Variants in LIMCH1 observed in about 807,000 individuals in gnomAD.
LIMCH1 encodes LIM and calponin homology domains 1, also known as LIM and calponin homology domains-containing protein 1.
Under a neutral mutation model 176.5 loss-of-function variants are expected in LIMCH1, and 113 were observed. The observed-to-expected ratio is 0.64, with a 90% confidence interval of 0.55 to 0.75. The LOEUF (loss-of-function observed/expected upper bound fraction) is 0.75. Ranked by LOEUF, LIMCH1 falls within the 30% of genes least tolerant of loss-of-function variation. The probability of loss-of-function intolerance (pLI) is 0.00; values close to 1 mark genes in which losing one functional copy is unlikely to be tolerated. For synonymous variants in LIMCH1, 619 were observed against 645.9 expected (o/e 0.96, Z 0.63); for missense variants, 1,674 against 1,814.9 (o/e 0.92, Z 1.41).
chr4:41,680,927 T>C, intron 24 of LIMCH1, 28 bp from the exon 25 acceptor site: 2 of 1,250,836 alleles, frequency 1.6e-6, no homozygotes, highest in Non-Finnish European at 2.3e-6. Context: ...TTTTCCCCCC[T>C]TTCATCGATT....
chr4:41,603,781 T>G (rs1480846234), intron 2 of LIMCH1, 94 bp from the exon 3 acceptor site: 2 of 823,168 alleles, frequency 2.4e-6, no homozygotes, highest in Non-Finnish European at 4.1e-6. Context: ...ATTATATATG[T>G]TAGCTTCAAG....
intron 29 of LIMCH1, among the ~76,000 whole-genome samples, chr4:41,688,467 T>C (rs988632634): frequency 6.6e-6 from 1 of 152,244 alleles, no homozygotes; most frequent in East Asian, 1.9e-4. Context: ...AAATTTCATT[T>C]AACTACTGGA....
chr4:41,439,492 G>A (rs1259814085), intron 1 of LIMCH1, among the ~76,000 whole-genome samples: 2 of 152,148 alleles, frequency 1.3e-5, no homozygotes, highest in Non-Finnish European at 2.9e-5. Flanking sequence ...GCTGAAGTTG[G>A]AGGATTGTGT....
At chr4:41,639,071 T>C in intron 14 of LIMCH1, 104 bp downstream of exon 14, 1 of 842,594 alleles carries the variant, frequency 1.2e-6, no homozygotes, top group Non-Finnish European at 1.9e-6. Flanking sequence ...GTGAACTGAA[T>C]AGTTAGCTGA....
intron 10 of LIMCH1, 122 bp downstream of exon 10, chr4:41,631,599 G>A (rs1390412027): frequency 2.5e-6 from 2 of 794,968 alleles, no homozygotes; most frequent in Admixed American, 3.4e-5. Context: ...ACTATGTATA[G>A]CAGAGAAGTA....
chr4:41,643,328 TTC>T (rs2093916317), intron 14 of LIMCH1, among the ~76,000 whole-genome samples: 1 of 152,206 alleles, frequency 6.6e-6, no homozygotes. Context: ...AGTTTTTTTT[TTC>T]TTTGTGTTAG....
chr4:41,520,484 T>C (rs533292519), intron 2 of LIMCH1, among the ~76,000 whole-genome samples: 2 of 152,278 alleles, frequency 1.3e-5, no homozygotes, highest in South Asian at 4.2e-4. Context: ...TTGTGTGCTA[T>C]CTGAAATTTT....
chr4:41,473,126 A>C, intron 1 of LIMCH1: 1 of 985,402 alleles, frequency 1.0e-6, no homozygotes, highest in Non-Finnish European at 1.2e-6. Context: ...TAAAATGACA[A>C]CTTGGTAAAT....
intron 1 of LIMCH1, among the ~76,000 whole-genome samples, chr4:41,576,995 A>C (rs2084589408): frequency 6.6e-6 from 1 of 152,172 alleles, no homozygotes. Context: ...CAGATAAAAA[A>C]ATACAGCATT....
chr4:41,602,124 C>CAAAAAAA (rs540240960), intron 2 of LIMCH1, among the ~76,000 whole-genome samples: 1 of 73,302 alleles, frequency 1.4e-5, no homozygotes, highest in Non-Finnish European at 3.8e-5. Context: ...TTGAGTAGAC[C>CAAAAAAA]AAAAAAAAAA....
chr4:41,531,522 A>ACACACACC (rs1230668145), intron 3 of LIMCH1, among the ~76,000 whole-genome samples: 3 of 145,532 alleles, frequency 2.1e-5, no homozygotes, highest in African/African-American at 7.9e-5. Context: ...ACACATACAC[A>ACACACACC]CCTTATACTT....
At chr4:41,489,993 C>T (rs2070457518) in intron 1 of LIMCH1, among the ~76,000 whole-genome samples, 1 of 152,028 alleles carries the variant, frequency 6.6e-6, no homozygotes, top group Admixed American at 6.5e-5. Flanking sequence ...TCATAAGGGA[C>T]AGAAAATCTA....
Position 41,604,199 on chromosome 4 carries a change from A to G in LIMCH1, c.-103+294A>G, listed in dbSNP as rs1009395388. ...TAAACACAAAATGATCAGGCTCAAT[A>G]CTAACATTAGCCCCTTTCCATTTGT... On this transcript the variant is annotated intron_variant, in intron 3 of 31. Coordinates refer to ENST00000503057, the MANE Select transcript of LIMCH1 (RefSeq NM_001330672.2). 4.1e-6 allele frequency: 4 copies of G among 984,918 alleles called. No homozygotes were observed. In the African/African-American group the frequency reaches 7.0e-5, roughly 17 times the overall value. The allele number at this position is 984,918 out of a possible 1,614,324, so 61.0% of individuals were successfully genotyped here.
At chr4:41,454,940 ATGTGTGTGTGTGTGTGTGTG>A (rs761501125) in intron 1 of LIMCH1, among the ~76,000 whole-genome samples, 2,678 of 131,354 alleles carry the variant, frequency 0.02, 86 homozygotes, top group African/African-American at 0.068. Flanking sequence ...GTATGCGTAC[ATGTGTGTGTGTGTGTGTGTG>A]TGTGTGTGTG....
chr4:41,526,474 C>G (rs900150680), intron 3 of LIMCH1, among the ~76,000 whole-genome samples: 6 of 152,084 alleles, frequency 3.9e-5, no homozygotes, highest in Non-Finnish European at 8.8e-5. Flanking sequence ...ATCAACATTT[C>G]CACAAAAACC....
intron 5 of LIMCH1, among the ~76,000 whole-genome samples, chr4:41,614,520 A>G (rs536637301): frequency 2.6e-5 from 4 of 152,310 alleles, no homozygotes; most frequent in East Asian, 3.9e-4. Flanking sequence ...TGATGCTGCT[A>G]TATCTAGCTA....
chr4:41,373,898 C>T lies in LIMCH1; in HGVS notation c.96+12962C>T, dbSNP rs573531847. On this transcript the variant is annotated intron_variant, in intron 1 of 26. Coordinates refer to the LIMCH1 transcript ENST00000313860. ...TCTTGAGATAGTGAGGGAGCTCTCA[C>T]GGGATCTGGTTGTTTAAAAGTGTGT... 2.9e-3 allele frequency among the ~76,000 whole-genome samples: 435 copies of T among 152,204 alleles called. 1 individual carries two copies. The highest frequency in any genetic ancestry group is 4.6e-3 in the Non-Finnish European group (313 of 68,006).
chr4:41,684,730 G>A (rs1392872397), intron 27 of LIMCH1, among the ~76,000 whole-genome samples: 3 of 151,926 alleles, frequency 2.0e-5, no homozygotes, highest in Non-Finnish European at 2.9e-5. Context: ...CTGAGAGCGT[G>A]TTCGCACTTA....
At chr4:41,563,341 T>C (rs548788204) in intron 1 of LIMCH1, among the ~76,000 whole-genome samples, 1 of 152,304 alleles carries the variant, frequency 6.6e-6, no homozygotes, top group African/African-American at 2.4e-5. Context: ...CCTGTTAATG[T>C]CTTTATCCTG....
Sources: gnomAD v4.1 joint callset for allele counts (sites outside exome capture counted in the v4.1 genomes callset) on GRCh38, gnomAD v4.1.1 for gene constraint, MANE v1.5 for transcripts, NCBI Gene and HGNC (gene_info 2026-07-23, HGNC 2026-07-21) for gene names.